The following CCDC85A variants were observed in gnomAD, a reference collection of about 807,000 sequenced individuals.
The protein encoded by CCDC85A is coiled-coil domain containing 85A, also known as coiled-coil domain-containing protein 85A.
Under a neutral mutation model 50.2 loss-of-function variants are expected in CCDC85A, and 38 were observed. The ratio of observed to expected loss-of-function variants is 0.76; its 90% confidence interval spans 0.58 to 0.99. The LOEUF (loss-of-function observed/expected upper bound fraction) is 0.99, where lower values mean the gene tolerates loss of function less well. CCDC85A is among the 50% of genes least tolerant of loss of function. The pLI is 0.00. For missense variants in CCDC85A, 820 were observed against 742.0 expected, an observed-to-expected ratio of 1.11 and a Z score of -1.22; for synonymous variants, 366 against 301.4, an observed-to-expected ratio of 1.21 and a Z score of -2.22.
intron 2 of CCDC85A, 97 bp downstream of exon 2, chr2:56,193,537 C>G: frequency 3.0e-6 from 4 of 1,355,894 alleles, no homozygotes; most frequent in Non-Finnish European, 3.9e-6. Flanking sequence ...AAAGTGCAGG[C>G]GCTAGCTAGG....
At chr2:56,224,104 C>T (rs1002757833) in intron 2 of CCDC85A, among the ~76,000 whole-genome samples, 1 of 152,100 alleles carries the variant, frequency 6.6e-6, no homozygotes, top group Non-Finnish European at 1.5e-5. Context: ...AACCCCATAC[C>T]CATTAGTAGT....
chr2:56,193,496 C>T (rs1676399889), intron 2 of CCDC85A, 56 bp downstream of exon 2: 5 of 1,500,458 alleles, frequency 3.3e-6, no homozygotes, highest in Middle Eastern at 2.4e-4. Context: ...TAGAGAGTTA[C>T]GAATGATGAT....
In CCDC85A at chr2:56,384,250, T is replaced by TC. The variant is rs1558669717; in HGVS notation, c.1573-15dup. On this transcript the variant is annotated splice_polypyrimidine_tract_variant and intron_variant, in intron 5 of 5. Transcript: ENST00000407595. ...GAGGAAAAGTAAGATACTCACTCCT[T>TC]CTTTTTTTTTTTAAGGTTGTGTGGA... The TC allele has an allele frequency of 1.9e-6, 3 of 1,590,514 alleles. No individual in the cohort carries two copies. Among genetic ancestry groups the TC allele is most frequent in the Middle Eastern group, 1.7e-4 (1 of 6,006 alleles).
intron 3 of CCDC85A, among the ~76,000 whole-genome samples, chr2:56,357,758 G>A (rs910077289): frequency 1.3e-5 from 2 of 151,134 alleles, no homozygotes; most frequent in African/African-American, 2.4e-5. Context: ...CCAGAGCAGG[G>A]TGGATATTTA....
chr2:56,236,650 G>C (rs1669028420), intron 2 of CCDC85A, among the ~76,000 whole-genome samples: 1 of 152,140 alleles, frequency 6.6e-6, no homozygotes, highest in African/African-American at 2.4e-5. Context: ...AAAGTGTCCT[G>C]CAGAGTATCA....
chr2:56,221,937 G>C (rs1668345086), intron 2 of CCDC85A, among the ~76,000 whole-genome samples: 1 of 152,064 alleles, frequency 6.6e-6, no homozygotes, highest in Non-Finnish European at 1.5e-5. Context: ...ATGGTATAAG[G>C]ATAGAAGGGT....
At chr2:56,280,586 A>T (rs1461738298) in intron 2 of CCDC85A, among the ~76,000 whole-genome samples, 2 of 152,150 alleles carry the variant, frequency 1.3e-5, no homozygotes, top group African/African-American at 2.4e-5. Flanking sequence ...ATCAAATCCA[A>T]CACTCCAAAG....
intron 2 of CCDC85A, among the ~76,000 whole-genome samples, chr2:56,215,456 T>C (rs1032960427): frequency 6.6e-6 from 1 of 151,870 alleles, no homozygotes; most frequent in African/African-American, 2.4e-5. Context: ...GAGGACATTT[T>C]TGTCTTGTTC....
In CCDC85A at chr2:56,339,987, T is replaced by C. The variant is rs1674276831; in HGVS notation, c.1241-2892T>C. Among the ~76,000 whole-genome samples the C allele has an allele frequency of 2.0e-5, 3 of 151,686 alleles. No homozygotes were observed. The South Asian group carries it at 6.2e-4, about 31-fold the overall frequency. On this transcript the variant is annotated intron_variant, in intron 2 of 5. Transcript: ENST00000407595. ...TGAGAGGATATCTTTAGCAAATATC[T>C]TCAGTTTTCTTTACCTGTGTTTCTA... is the stretch of plus-strand genomic sequence containing the variant.
At chr2:56,325,701 T>G (rs1030220542) in intron 2 of CCDC85A, among the ~76,000 whole-genome samples, 1 of 152,092 alleles carries the variant, frequency 6.6e-6, no homozygotes, top group Non-Finnish European at 1.5e-5. Flanking sequence ...TTTGCCTGTG[T>G]GTGTGTCATT....
chr2:56,288,412 CT>C (rs1671546388), intron 2 of CCDC85A, among the ~76,000 whole-genome samples: 1 of 151,678 alleles, frequency 6.6e-6, no homozygotes, highest in South Asian at 2.1e-4. Context: ...TTTTTAAGAT[CT>C]TCTTATAAAT....
intron 3 of CCDC85A, among the ~76,000 whole-genome samples, chr2:56,358,100 C>T (rs1189560005): frequency 2.0e-5 from 3 of 152,150 alleles, no homozygotes; most frequent in Non-Finnish European, 4.4e-5. Context: ...TGTCACGTGA[C>T]ACTTTTGCAT....
chr2:56,287,935 C>G (rs1005677633), intron 2 of CCDC85A, among the ~76,000 whole-genome samples: 1 of 152,098 alleles, frequency 6.6e-6, no homozygotes, highest in Non-Finnish European at 1.5e-5. Context: ...AGTTTTTCGT[C>G]TTCCACAGAG....
chr2:56,183,971 G>T (rs1675873964), upstream of CCDC85A: 2 of 985,346 alleles, frequency 2.0e-6, no homozygotes, highest in African/African-American at 1.7e-5. Flanking sequence ...TCCTCCAGCC[G>T]GTCCCCCACC....
intron 2 of CCDC85A, among the ~76,000 whole-genome samples, chr2:56,204,391 CT>C (rs1401640288): frequency 6.6e-6 from 1 of 152,030 alleles, no homozygotes; most frequent in African/African-American, 2.4e-5. Flanking sequence ...GTTTTAAGAC[CT>C]TATTTTTTAA....
intron 2 of CCDC85A, among the ~76,000 whole-genome samples, chr2:56,234,340 C>T (rs1372659394): frequency 1.3e-5 from 2 of 152,170 alleles, no homozygotes; most frequent in Non-Finnish European, 2.9e-5. Context: ...CTTTGGAGGG[C>T]AGGATCTGCT....
rs1332076484 is a variant in CCDC85A, at chr2:56,336,204, G to T, written c.1241-6675G>T. Among the ~76,000 whole-genome samples, 3 of 151,800 alleles carry T rather than the reference G, an allele frequency of 2.0e-5. No individual in the cohort carries two copies. In the East Asian group the frequency reaches 5.8e-4, roughly 29 times the overall value. On this transcript the variant is annotated intron_variant, in intron 2 of 5. Transcript: ENST00000407595. ...GTTTCACTCTTGTCCCCCCAGGCTG[G>T]AGTGCAATGACACTGTCTCAGCTCA...
At chr2:56,358,515 G>C (rs1339576189) in intron 3 of CCDC85A, among the ~76,000 whole-genome samples, 1 of 152,052 alleles carries the variant, frequency 6.6e-6, no homozygotes, top group Non-Finnish European at 1.5e-5. Context: ...AACTTTTTTA[G>C]CAAAGAGCCA....
chr2:56,253,054 G>C (rs1669837176), intron 2 of CCDC85A, among the ~76,000 whole-genome samples: 1 of 150,712 alleles, frequency 6.6e-6, no homozygotes, highest in Non-Finnish European at 1.5e-5. Context: ...AACAAAAAAA[G>C]TAAAATATAC....
Sources: gnomAD v4.1 joint callset for allele counts (sites outside exome capture counted in the v4.1 genomes callset) on GRCh38, gnomAD v4.1.1 for gene constraint, MANE v1.5 for transcripts, NCBI Gene and HGNC (gene_info 2026-07-23, HGNC 2026-07-21) for gene names.